The following DNAH12 variants were observed in gnomAD, a reference collection of about 807,000 sequenced individuals.
DNAH12 encodes the protein axonemal beta dynein heavy chain 12.
In DNAH12, 285 loss-of-function variants were observed where a neutral mutation model predicts 371.5. That is an observed-to-expected ratio of 0.77 (90% CI 0.70 to 0.85). The LOEUF is 0.85. Among genes scored for constraint, DNAH12 ranks in the 40% least tolerant of loss-of-function variants. DNAH12 has a pLI of 0.00. For synonymous variants in DNAH12, 1,200 were observed against 1,213.0 expected, an observed-to-expected ratio of 0.99 and a Z score of 0.22; for missense variants, 3,611 against 3,689.4, an observed-to-expected ratio of 0.98 and a Z score of 0.55.
chr3:57,428,345 T>C, intron 34 of DNAH12: 1 of 1,205,374 alleles, frequency 8.3e-7, no homozygotes, highest in Non-Finnish European at 1.1e-6. Flanking sequence ...TCACTAAATG[T>C]ACATTGAGTT....
intron 4 of DNAH12, among the ~76,000 whole-genome samples, chr3:57,521,385 G>A (rs1221422033): frequency 2.6e-5 from 4 of 152,100 alleles, no homozygotes; most frequent in African/African-American, 9.6e-5. Flanking sequence ...CAAAAATCAG[G>A]GGGATGGTGG....
rs1267167034 is a variant in DNAH12, at chr3:57,461,475, C to T, written c.2736+14G>A. ...GTATAAATGACCAAGAGCTGATTAT[C>T]ACATTTAACATACCTTGATCTCATG... On this transcript the variant is annotated intron_variant, in intron 19 of 73. Transcript: ENST00000495027. 6.4e-7 allele frequency: 1 copy of T among 1,550,446 alleles called. No homozygotes were observed.
In DNAH12 at chr3:57,454,893, G is replaced by A; in HGVS notation, c.3338C>T (p.Ala1113Val). Reference protein sequence around the residue: ...VHDVIAAARLAYPESARRDWV... With the variant: ...VHDVIAAARLVYPESARRDWV... Reference sequence around the variant, plus strand: ...GTCTCTTCTTGCAGATTCTGGATAAGCCTGAACAATTAAAATAAATTTCTA... The same window carrying A: ...GTCTCTTCTTGCAGATTCTGGATAAACCTGAACAATTAAAATAAATTTCTA... The change falls in exon 23 of 74, where the codon GCT becomes GTT. Residue 1113 changes from alanine to valine, a missense_variant and splice_region_variant. Coordinates refer to ENST00000495027, the MANE Select transcript of DNAH12 (RefSeq NM_001366028.2). 1 of 1,537,668 alleles carries A rather than the reference G, an allele frequency of 6.5e-7. No individual in the cohort carries two copies.
At chr3:57,347,079 A>C (rs2062560763) in intron 60 of DNAH12, among the ~76,000 whole-genome samples, 1 of 152,224 alleles carries the variant, frequency 6.6e-6, no homozygotes, top group African/African-American at 2.4e-5. Flanking sequence ...AACCAATTCC[A>C]CCATGTCTTC....
chr3:57,421,859 C>A, intron 35 of DNAH12, 153 bp from the exon 36 acceptor site: 4 of 584,034 alleles, frequency 6.8e-6, no homozygotes, highest in East Asian at 3.2e-5. Flanking sequence ...TGCTAAGCCA[C>A]ATAGTCATTT....
chr3:57,498,542 GAAAGA>G (rs1488444586), intron 11 of DNAH12: 1 of 716,988 alleles, frequency 1.4e-6, no homozygotes, highest in Non-Finnish European at 2.6e-6. Context: ...CCAGCTCCTA[GAAAGA>G]GAAATGAAAG....
At chr3:57,374,863 C>T (rs987287903) in intron 55 of DNAH12, among the ~76,000 whole-genome samples, 17 of 152,054 alleles carry the variant, frequency 1.1e-4, no homozygotes, top group Non-Finnish European at 1.8e-4. Flanking sequence ...CTAGGCAAAA[C>T]TAACCTATGG....
rs892419925 is a variant in DNAH12 at position 57,356,809 on chromosome 3, G to A, written c.9533+367C>T. 5.3e-5 allele frequency among the ~76,000 whole-genome samples: 8 copies of A among 151,944 alleles called. No individual in the cohort carries two copies. In the East Asian group the frequency reaches 9.7e-4, roughly 18 times the overall value. On this transcript the variant is annotated intron_variant, in intron 59 of 73. Transcript: ENST00000495027. ...GGCTGGAGTGCGGGGGTGCCATCTCGACTCACTGCAACATCCACCTCCTGA... is the reference window on the plus strand; with the variant it reads ...GGCTGGAGTGCGGGGGTGCCATCTCAACTCACTGCAACATCCACCTCCTGA...
Position 57,323,599 on chromosome 3 carries a change from G to C in DNAH12, c.9999C>G (p.Asn3333Lys). 1 of 1,547,786 alleles carries C rather than the reference G, an allele frequency of 6.5e-7. No homozygotes were observed. The highest frequency in any genetic ancestry group is 2.0e-5 in the Admixed American group (1 of 49,894). ...TTTTCCCTAGTTTGTCAGTTACATA[G>C]TTTGTTATAGCTGGGGTTATCTGTT... Reference protein sequence around the residue: ...RPDKITPAITNYVTDKLGKKF... With the variant: ...RPDKITPAITKYVTDKLGKKF... Residue 3333 changes from asparagine (N) to lysine (K), a missense_variant, in exon 63 of 74, where the codon AAC becomes AAG. Physicochemically the swap from Asn to Lys is moderately conservative, Grantham distance 94. This residue lies in a region of DNAH12 where 2,266 missense variants were observed against 2,236.9 expected (regional missense o/e 1.01). Coordinates refer to ENST00000495027, the MANE Select transcript of DNAH12 (RefSeq NM_001366028.2).
At chr3:57,519,509 A>T (rs185496016) in intron 4 of DNAH12, among the ~76,000 whole-genome samples, 2 of 152,266 alleles carry the variant, frequency 1.3e-5, no homozygotes, top group East Asian at 3.9e-4. Flanking sequence ...AAACTGACAA[A>T]ATGCTAAACC....
chr3:57,334,394 A>G (rs994254057), intron 62 of DNAH12, 71 bp downstream of exon 62: 2 of 1,410,066 alleles, frequency 1.4e-6, no homozygotes, highest in African/African-American at 2.9e-5. Flanking sequence ...TCAAATAACA[A>G]GAACTTTAAG....
At chr3:57,500,389 G>T (rs150834703) in intron 11 of DNAH12, among the ~76,000 whole-genome samples, 1 of 152,098 alleles carries the variant, frequency 6.6e-6, no homozygotes, top group Non-Finnish European at 1.5e-5. Context: ...CTTCCACAGC[G>T]AAAAACCTTC....
At chr3:57,302,026 C>A in intron 69 of DNAH12, 87 bp from the exon 70 acceptor site, 1 of 1,409,924 alleles carries the variant, frequency 7.1e-7, no homozygotes, top group Non-Finnish European at 9.6e-7. Flanking sequence ...AATTTCATTC[C>A]CAGCTTTATG....
At chr3:57,487,736 T>C (rs1010705517) in intron 12 of DNAH12, among the ~76,000 whole-genome samples, 16 of 152,300 alleles carry the variant, frequency 1.1e-4, no homozygotes, top group African/African-American at 3.8e-4. Context: ...ACTGGATAAA[T>C]TTTCAGCTGC....
intron 45 of DNAH12, among the ~76,000 whole-genome samples, chr3:57,388,213 C>T (rs979852924): frequency 1.4e-4 from 22 of 152,142 alleles, no homozygotes; most frequent in Non-Finnish European, 2.9e-4. Flanking sequence ...GTGGTTCATG[C>T]TGTCACTTCC....
intron 29 of DNAH12, among the ~76,000 whole-genome samples, chr3:57,439,496 T>C (rs778170637): frequency 2.0e-5 from 3 of 152,172 alleles, no homozygotes; most frequent in Admixed American, 1.3e-4. Flanking sequence ...TAGCCATATA[T>C]AGAAGAATTA....
At chr3:57,302,511 TTAAC>T (rs1157940980) in intron 69 of DNAH12, among the ~76,000 whole-genome samples, 8 of 120,972 alleles carry the variant, frequency 6.6e-5, no homozygotes, top group Admixed American at 2.8e-4. Flanking sequence ...AAATGCTGAA[TTAAC>T]TAAGGCATCA....
chr3:57,421,753 C>G, intron 35 of DNAH12, 47 bp from the exon 36 acceptor site: 1 of 1,546,612 alleles, frequency 6.5e-7, no homozygotes. Context: ...TTTTAAAAGG[C>G]ATTTTAGGAG....
chr3:57,509,122 T>C lies in DNAH12; in HGVS notation c.542+18A>G. On this transcript the variant is annotated intron_variant, in intron 6 of 73. Transcript: ENST00000495027. ...TCAAAAATTGGATGAAGTACTGTTT[T>C]TAAAATAATTTACTCACACAGGAGA... 4 of 1,597,764 alleles carry C rather than the reference T, an allele frequency of 2.5e-6. No homozygotes were observed. The highest frequency in any genetic ancestry group is 3.4e-6 in the Non-Finnish European group (4 of 1,172,932).
Sources: allele counts gnomAD v4.1 joint callset (sites outside exome capture counted in the v4.1 genomes callset), GRCh38; gene constraint gnomAD v4.1.1; regional missense constraint gnomAD v4.1.1; transcripts MANE v1.5; gene names NCBI Gene and HGNC (gene_info 2026-07-23, HGNC 2026-07-21).